CPS1: variants seen among roughly 807,000 people sequenced by gnomAD.
The protein encoded by CPS1 is carbamoyl-phosphate synthase 1, also known as carbamoyl-phosphate synthase [ammonia], mitochondrial.
Under a neutral mutation model 174.6 loss-of-function variants are expected in CPS1, and 109 were observed. That is an observed-to-expected ratio of 0.62 (90% CI 0.53 to 0.73). The LOEUF (loss-of-function observed/expected upper bound fraction) is 0.73. Among genes scored for constraint, CPS1 ranks in the 30% least tolerant of loss-of-function variants. The pLI, the probability that CPS1 is intolerant of heterozygous loss-of-function variation, is 0.00. For missense variants in CPS1, 1,689 were observed against 1,821.9 expected, an observed-to-expected ratio of 0.93 and a Z score of 1.33; for synonymous variants, 637 against 632.0, an observed-to-expected ratio of 1.01 and a Z score of -0.12.
intron 1 of CPS1, among the ~76,000 whole-genome samples, chr2:210,494,077 G>C (rs1172443256): frequency 6.6e-6 from 1 of 152,144 alleles, no homozygotes; most frequent in African/African-American, 2.4e-5. Context: ...ATCGAGGTAG[G>C]CTTTACTTCT....
chr2:210,656,693 G>GTT lies in CPS1; in HGVS notation c.3666+76_3666+77dup, dbSNP rs61108700. The GTT allele has an allele frequency of 0.019, 16,234 of 865,576 alleles. 55 individuals are homozygous for GTT. Among genetic ancestry groups the GTT allele is most frequent in the African/African-American group, 0.051 (2,790 of 54,416 alleles). The allele number at this position is 865,576 out of a possible 1,614,324, so 53.6% of individuals were successfully genotyped here. ...CAACACTCAGAAAAAAACACCTAAG[G>GTT]TTTTTTTTTTTTTTTTAAAGCTAGG... On this transcript the variant is annotated intron_variant, in intron 30 of 37. Coordinates refer to ENST00000233072, the MANE Select transcript of CPS1 (RefSeq NM_001875.5).
At chr2:210,519,841 A>G (rs1055625260) in intron 1 of CPS1, 2 of 961,772 alleles carry the variant, frequency 2.1e-6, no homozygotes, top group Non-Finnish European at 1.2e-6. Context: ...CCTAATGAAA[A>G]AATGGCTTTG....
At chr2:210,579,834 G>GCATATACATATC in intron 5 of CPS1, 64 bp downstream of exon 5, 1 of 1,326,168 alleles carries the variant, frequency 7.5e-7, no homozygotes, top group Non-Finnish European at 1.1e-6. Flanking sequence ...GTGTGTGTGT[G>GCATATACATATC]GTGTTTCCCT....
intron 1 of CPS1, among the ~76,000 whole-genome samples, chr2:210,504,916 C>G (rs1559739369): frequency 6.6e-6 from 1 of 151,866 alleles, no homozygotes. Context: ...GGAGGACGAC[C>G]TACTTTTTTT....
At chr2:210,493,961 A>G (rs16844551) in intron 1 of CPS1, among the ~76,000 whole-genome samples, 2,456 of 152,292 alleles carry the variant, frequency 0.016, 52 homozygotes, top group Middle Eastern at 0.051. Context: ...GACATCCATC[A>G]TGGTGTCATG....
At chr2:210,635,139 T>A (rs1218339579) in intron 21 of CPS1, among the ~76,000 whole-genome samples, 1 of 152,106 alleles carries the variant, frequency 6.6e-6, no homozygotes, top group Non-Finnish European at 1.5e-5. Context: ...GAGACGGGGT[T>A]TCACCATGTT....
intron 1 of CPS1, among the ~76,000 whole-genome samples, chr2:210,505,577 G>A (rs991044724): frequency 0.075 from 3 of 40 alleles, no homozygotes; most frequent in Admixed American, 0.17. Flanking sequence ...AGCATGAGCC[G>A]AAGCAGGGCG....
At chr2:210,586,690 A>G (rs1389583328) in intron 6 of CPS1, among the ~76,000 whole-genome samples, 1 of 152,098 alleles carries the variant, frequency 6.6e-6, no homozygotes, top group African/African-American at 2.4e-5. Context: ...AGAGACCAGC[A>G]AAAATGAGCA....
chr2:210,552,298 T>A (rs1574514745), upstream of CPS1, among the ~76,000 whole-genome samples: 1 of 151,986 alleles, frequency 6.6e-6, no homozygotes, highest in South Asian at 2.1e-4. Flanking sequence ...GTTTTTTTTT[T>A]CATGACTCCT....
At chr2:210,509,921 C>A (rs62203705) in intron 1 of CPS1, among the ~76,000 whole-genome samples, 1 of 152,008 alleles carries the variant, frequency 6.6e-6, no homozygotes. Flanking sequence ...TGGGTAGGAA[C>A]AATCAATATC....
At chr2:210,599,671 C>G in intron 14 of CPS1, 110 bp downstream of exon 14, 6 of 1,212,342 alleles carry the variant, frequency 4.9e-6, no homozygotes, top group Non-Finnish European at 7.2e-6. Flanking sequence ...AAAACCTTTC[C>G]TCTACTGTGT....
chr2:210,483,573 G>A (rs13005638), intron 1 of CPS1, among the ~76,000 whole-genome samples: 4 of 152,048 alleles, frequency 2.6e-5, no homozygotes, highest in African/African-American at 7.3e-5. Flanking sequence ...GCATTTCCTC[G>A]CCCTTTTCTC....
chr2:210,567,176 T>C (rs909238705), intron 1 of CPS1, among the ~76,000 whole-genome samples: 7 of 152,236 alleles, frequency 4.6e-5, no homozygotes, highest in African/African-American at 1.4e-4. Context: ...CAAATATCAG[T>C]ATTACAGCTT....
intron 3 of CPS1, among the ~76,000 whole-genome samples, chr2:210,576,822 A>G (rs954424498): frequency 2.0e-5 from 3 of 152,140 alleles, no homozygotes; most frequent in East Asian, 1.9e-4. Context: ...TTCTGTATCA[A>G]TTATTTGCTT....
intron 28 of CPS1, 31 bp downstream of exon 28, chr2:210,650,469 A>G (rs1010628668): frequency 1.4e-6 from 2 of 1,423,472 alleles, no homozygotes; most frequent in African/African-American, 1.4e-5. Flanking sequence ...AGTGACTGTT[A>G]TCTCTTAATA....
chr2:210,586,705 T>A (rs1234500290), intron 6 of CPS1, among the ~76,000 whole-genome samples: 1 of 152,108 alleles, frequency 6.6e-6, no homozygotes, highest in Non-Finnish European at 1.5e-5. Context: ...TGAGCATATC[T>A]GTGTTTTTAT....
intron 6 of CPS1, among the ~76,000 whole-genome samples, chr2:210,585,894 G>C (rs899843366): frequency 2.0e-5 from 3 of 151,632 alleles, no homozygotes; most frequent in Non-Finnish European, 4.4e-5. Context: ...CCTTGTCATT[G>C]AGAGTCTTTA....
intron 1 of CPS1, among the ~76,000 whole-genome samples, chr2:210,509,673 T>A (rs1695395768): frequency 6.6e-6 from 1 of 152,208 alleles, no homozygotes. Flanking sequence ...ATAGGCAACT[T>A]CAGCAAAGTC....
chr2:210,595,335 C>A, intron 12 of CPS1, 152 bp from the exon 13 acceptor site: 1 of 601,438 alleles, frequency 1.7e-6, no homozygotes, highest in Non-Finnish European at 3.0e-6. Flanking sequence ...AGTTATTAGT[C>A]TTTTTCCCTA....
Sources: allele counts gnomAD v4.1 joint callset (sites outside exome capture counted in the v4.1 genomes callset), GRCh38; gene constraint gnomAD v4.1.1; transcripts MANE v1.5; gene names NCBI Gene and HGNC (gene_info 2026-07-23, HGNC 2026-07-21).